MAPK10: variants seen among roughly 807,000 people sequenced by gnomAD.
MAPK10 encodes mitogen-activated protein kinase 10, also known as JNK3 alpha protein kinase.
Under a neutral mutation model 59.3 loss-of-function variants are expected in MAPK10, and 25 were observed. The observed-to-expected ratio is 0.42, with a 90% CI of 0.31 to 0.59. The LOEUF is 0.59. Ranked by LOEUF, MAPK10 falls within the 20% of genes least tolerant of loss-of-function variation. The pLI is 0.15. For missense variants in MAPK10, 351 were observed against 568.9 expected, an observed-to-expected ratio of 0.62 and a Z score of 3.90; for synonymous variants, 190 against 200.5, an observed-to-expected ratio of 0.95 and a Z score of 0.44.
chr4:86,523,318 C>T (rs1217662070), intron 1 of MAPK10, among the ~76,000 whole-genome samples: 1 of 152,162 alleles, frequency 6.6e-6, no homozygotes, highest in African/African-American at 2.4e-5. Flanking sequence ...TATCCTCCTA[C>T]TATAAGTCTT....
At chr4:86,527,670 A>G (rs1194262492) in intron 1 of MAPK10, among the ~76,000 whole-genome samples, 2 of 152,244 alleles carry the variant, frequency 1.3e-5, no homozygotes, top group Non-Finnish European at 2.9e-5. Flanking sequence ...GTATATAGCC[A>G]GAGGAAAATA....
intron 1 of MAPK10, among the ~76,000 whole-genome samples, chr4:86,473,200 T>C (rs926641088): frequency 1.3e-5 from 2 of 152,194 alleles, no homozygotes; most frequent in Admixed American, 6.5e-5. Flanking sequence ...TTTCTAAAAA[T>C]TTTTGCTTAG....
At position 86,528,787 on chromosome 4, in the gene MAPK10, C is replaced by T. The variant is rs1408942960; in HGVS notation, c.-263+65123G>A. ...CGGTAACCCCCCAAATATATCTTGC[C>T]TAATTTTGTGCTTTTCAGTCTAATT... On this transcript the variant is annotated intron_variant, in intron 1 of 4. Transcript: ENST00000502302. Among the ~76,000 whole-genome samples, 4 of 152,308 alleles carry T rather than the reference C, an allele frequency of 2.6e-5. No homozygotes were observed. The East Asian group carries it at 7.7e-4, about 29-fold the overall frequency.
intron 3 of MAPK10, among the ~76,000 whole-genome samples, chr4:86,162,283 A>C (rs555402694): frequency 6.6e-6 from 1 of 152,048 alleles, no homozygotes; most frequent in South Asian, 2.1e-4. Flanking sequence ...TCTGGAATAG[A>C]GTATTGCAAT....
intron 4 of MAPK10, among the ~76,000 whole-genome samples, chr4:86,122,865 A>G (rs904132069): frequency 6.6e-6 from 1 of 152,090 alleles, no homozygotes; most frequent in Non-Finnish European, 1.5e-5. Context: ...AACTTTGTAA[A>G]GCATCAATGA....
chr4:86,566,372 G>C lies in MAPK10; in HGVS notation c.-263+27538C>G, dbSNP rs150399002. Among the ~76,000 whole-genome samples, 1,443 of 152,248 alleles carry C rather than the reference G, an allele frequency of 9.5e-3. 7 individuals are homozygous for C. The highest frequency in any genetic ancestry group is 0.014 in the Non-Finnish European group (960 of 68,008). On this transcript the variant is annotated intron_variant, in intron 1 of 4. Coordinates refer to the MAPK10 transcript ENST00000502302. ...AATTACTGGGCACAAAAAAATATGA[G>C]TTCTTTTCAGAGAAGCATCCTGTTT...
intron 4 of MAPK10, among the ~76,000 whole-genome samples, chr4:86,107,812 GTTTGT>G (rs905484990): frequency 6.6e-6 from 1 of 151,874 alleles, no homozygotes; most frequent in Non-Finnish European, 1.5e-5. Flanking sequence ...ATTGTTCTTT[GTTTGT>G]TTTAAATGAA....
At chr4:86,318,529 TGA>T (rs769920268) in intron 2 of MAPK10, among the ~76,000 whole-genome samples, 19 of 152,164 alleles carry the variant, frequency 1.2e-4, no homozygotes, top group Non-Finnish European at 2.4e-4. Context: ...GGAAGACCTA[TGA>T]GAAAGCTAAA....
At chr4:86,032,813 G>A (rs1271323421) in intron 11 of MAPK10, among the ~76,000 whole-genome samples, 1 of 152,164 alleles carries the variant, frequency 6.6e-6, no homozygotes, top group Non-Finnish European at 1.5e-5. Flanking sequence ...AAGTAACTTA[G>A]CATAATACTG....
chr4:86,351,396 A>C (rs3030121), intron 2 of MAPK10, among the ~76,000 whole-genome samples: 25 of 132,550 alleles, frequency 1.9e-4, no homozygotes, highest in African/African-American at 5.5e-4. Flanking sequence ...TGTATACACA[A>C]ACACACACAC....
intron 2 of MAPK10, among the ~76,000 whole-genome samples, chr4:86,244,638 T>C (rs920784756): frequency 1.3e-5 from 2 of 152,148 alleles, no homozygotes; most frequent in Non-Finnish European, 2.9e-5. Context: ...GTAAAGTGGC[T>C]TATGATGCTT....
chr4:86,538,165 A>G (rs909848292), intron 1 of MAPK10, among the ~76,000 whole-genome samples: 2 of 136,074 alleles, frequency 1.5e-5, no homozygotes, highest in African/African-American at 5.2e-5. Flanking sequence ...TTTTTTTTTT[A>G]GACGGAGTTT....
At chr4:86,276,551 G>A (rs566522648) in intron 2 of MAPK10, among the ~76,000 whole-genome samples, 1 of 152,220 alleles carries the variant, frequency 6.6e-6, no homozygotes, top group Admixed American at 6.5e-5. Context: ...TACATTTCTA[G>A]CTACCTGTTT....
intron 1 of MAPK10, among the ~76,000 whole-genome samples, chr4:86,356,043 TCACACACACA>T (rs34547847): frequency 1.3e-5 from 2 of 149,114 alleles, no homozygotes; most frequent in African/African-American, 4.9e-5. Flanking sequence ...TTGTTTTTCT[TCACACACACA>T]CACACACACA....
chr4:86,553,017 C>T (rs1037027477), intron 1 of MAPK10, among the ~76,000 whole-genome samples: 40 of 152,278 alleles, frequency 2.6e-4, no homozygotes, highest in African/African-American at 9.6e-4. Flanking sequence ...ACCCAGGAGT[C>T]TTCATGTCTT....
chr4:86,585,897 C>T (rs925029762), intron 1 of MAPK10, among the ~76,000 whole-genome samples: 1 of 152,078 alleles, frequency 6.6e-6, no homozygotes, highest in African/African-American at 2.4e-5. Flanking sequence ...GCTCTAATTC[C>T]ACCTAACAAA....
At chr4:86,069,606 T>C (rs895993575) in intron 9 of MAPK10, among the ~76,000 whole-genome samples, 9 of 152,114 alleles carry the variant, frequency 5.9e-5, no homozygotes, top group Non-Finnish European at 1.0e-4. Context: ...TTAAATAGAA[T>C]ACATTAGTGT....
chr4:86,569,455 A>G (rs1045685313), intron 1 of MAPK10, among the ~76,000 whole-genome samples: 2 of 152,124 alleles, frequency 1.3e-5, no homozygotes. Flanking sequence ...CTGGGTATCT[A>G]CCCAAAGAAA....
intron 1 of MAPK10, among the ~76,000 whole-genome samples, chr4:86,470,534 C>T (rs895505432): frequency 7.9e-5 from 12 of 151,984 alleles, no homozygotes; most frequent in African/African-American, 2.7e-4. Context: ...TTAATATTTA[C>T]CTATTTCCTT....
Sources: allele counts gnomAD v4.1 joint callset (sites outside exome capture counted in the v4.1 genomes callset), GRCh38; gene constraint gnomAD v4.1.1; transcripts MANE v1.5; gene names NCBI Gene and HGNC (gene_info 2026-07-23, HGNC 2026-07-21).